NUP188: variants seen among roughly 807,000 people sequenced by gnomAD.
The protein encoded by NUP188 is nucleoporin 188, also known as nucleoporin NUP188.
Under a neutral mutation model 223.0 loss-of-function variants are expected in NUP188, and 97 were observed. That is an observed-to-expected ratio of 0.43 (90% CI 0.37 to 0.51). NUP188 has a LOEUF of 0.51. NUP188 is among the 20% of genes least tolerant of loss of function. NUP188 has a pLI of 0.00. For missense variants in NUP188, 1,947 were observed against 2,175.6 expected (o/e 0.89, Z 2.09); for synonymous variants, 869 against 828.0 (o/e 1.05, Z -0.85).
chr9:128,992,293 T>C (rs1344920828), intron 25 of NUP188, among the ~76,000 whole-genome samples: 1 of 152,100 alleles, frequency 6.6e-6, no homozygotes, highest in East Asian at 1.9e-4. Context: ...CCCAGGTTCA[T>C]GCGATTCTCC....
rs61744524 is a variant in NUP188 at position 128,986,834 on chromosome 9, T to C, written c.2223T>C (p.His741=). 1.9e-3 allele frequency: 3,058 copies of C among 1,614,168 alleles called. 47 individuals are homozygous for C. In the African/African-American group the frequency reaches 0.035, roughly 19 times the overall value. The change falls in exon 22 of 44, where the codon CAT becomes CAC. Residue 741 remains histidine, a synonymous_variant. Transcript: ENST00000372577. The part of the protein sequence containing the change: ...QIGCLILELI[H]AILNLCHETD... ...GTTGCCTGATCTTGGAGCTGATTCATGCGATACTGAACCTGTGCCACGAGA... is the reference window on the plus strand; with the variant it reads ...GTTGCCTGATCTTGGAGCTGATTCACGCGATACTGAACCTGTGCCACGAGA...
chr9:129,001,899 G>T lies in NUP188; in HGVS notation c.4060G>T (p.Ala1354Ser), dbSNP rs1202871938. 1 of 1,614,100 alleles carries T rather than the reference G, an allele frequency of 6.2e-7. No homozygotes were observed. Among genetic ancestry groups the T allele is most frequent in the Non-Finnish European group, 8.5e-7 (1 of 1,179,982 alleles). The change falls in exon 36 of 44, where the codon GCT (alanine) becomes TCT (serine). Residue 1354 changes from alanine to serine, a missense_variant. Physicochemically the swap from Ala to Ser is moderately conservative, Grantham distance 99. Transcript: ENST00000372577. The part of the protein sequence containing the change: ...ARTQQGATAV[A>S]GAGITQSICL... The stretch of plus-strand genomic sequence containing the variant: ...CTCCTCCCAGGGAGCCACAGCAGTG[G>T]CTGGAGCTGGCATCACCCAGAGCAT...
At chr9:129,002,524 C>T (rs1299120872) in intron 36 of NUP188, among the ~76,000 whole-genome samples, 1 of 152,242 alleles carries the variant, frequency 6.6e-6, no homozygotes, top group African/African-American at 2.4e-5. Flanking sequence ...AGCCCAGCTA[C>T]CCCTTAGAGG....
chr9:129,006,266 C>T lies in NUP188; in HGVS notation c.4971C>T (p.Asn1657=). 5 of 1,614,212 alleles carry T rather than the reference C, an allele frequency of 3.1e-6. No individual in the cohort carries two copies. The highest frequency in any genetic ancestry group is 4.2e-6 in the Non-Finnish European group (5 of 1,180,038). Residue 1657 remains asparagine (N), a synonymous_variant, in exon 43 of 44, where the codon AAC becomes AAT. Coordinates refer to ENST00000372577, the MANE Select transcript of NUP188 (RefSeq NM_015354.3). ...CCCTCCTGATGTTTACCATGGAAAA[C>T]TGCTTCTACCTGCTCATCTCTCAGG... The part of the protein sequence containing the change: ...LKSLLMFTME[N]CFYLLISQAM...
rs745660801 is a variant in NUP188 at position 128,979,286 on chromosome 9, G to C, written c.1228G>C (p.Val410Leu). ...GGATATAATTGATACAGCATGTGAA[G>C]TATTGGCCGACCCTTCTCTTCCGGA... ...QQDIIDTACE[V>L]LADPSLPELF... Residue 410 changes from valine (V) to leucine (L), a missense_variant, in exon 13 of 44, where the codon GTA (valine) becomes CTA (leucine). Physicochemically the swap from Val to Leu is conservative, Grantham distance 32. Transcript: ENST00000372577. 6.2e-7 allele frequency: 1 copy of C among 1,612,362 alleles called. No homozygotes were observed. Among genetic ancestry groups the C allele is most frequent in the African/African-American group, 1.3e-5 (1 of 74,890 alleles).
chr9:128,986,016 G>C (rs1842328292), intron 20 of NUP188, among the ~76,000 whole-genome samples: 1 of 152,088 alleles, frequency 6.6e-6, no homozygotes, highest in Non-Finnish European at 1.5e-5. Context: ...TCCAGCCTAG[G>C]TGCCAAGAGT....
chr9:128,998,183 G>A lies in NUP188; in HGVS notation c.3384G>A (p.Val1128=). 6.2e-7 allele frequency: 1 copy of A among 1,614,052 alleles called. No individual in the cohort carries two copies. The highest frequency in any genetic ancestry group is 1.1e-5 in the South Asian group (1 of 91,080). Reference sequence around the variant, plus strand: ...TAATGCACCTGACTGACTCTGTGGTGCGTCGCCAGCTCTTTCTTGACGTGC... The same window carrying A: ...TAATGCACCTGACTGACTCTGTGGTACGTCGCCAGCTCTTTCTTGACGTGC... ...ADIMHLTDSV[V]RRQLFLDVLD... Residue 1128 remains valine (V), a synonymous_variant, in exon 31 of 44, where the codon GTG becomes GTA. Transcript: ENST00000372577.
intron 10 of NUP188, among the ~76,000 whole-genome samples, 173 bp from the exon 11 acceptor site, chr9:128,970,585 G>T (rs140846018): frequency 6.6e-6 from 1 of 152,162 alleles, no homozygotes; most frequent in South Asian, 2.1e-4. Context: ...AAGAGTAATT[G>T]TAATTGAGGG....
chr9:128,987,104 T>A (rs1398540017), intron 22 of NUP188, among the ~76,000 whole-genome samples: 24 of 151,180 alleles, frequency 1.6e-4, no homozygotes, highest in East Asian at 3.9e-4. Context: ...TGTGTGTGTG[T>A]GTGTGTGTGT....
intron 12 of NUP188, among the ~76,000 whole-genome samples, chr9:128,977,406 A>G (rs1842190960): frequency 6.6e-6 from 1 of 152,022 alleles, no homozygotes; most frequent in African/African-American, 2.4e-5. Flanking sequence ...GGCATGAGCC[A>G]CCGTGCCCGA....
chr9:128,955,319 A>G (rs764051509), intron 3 of NUP188, among the ~76,000 whole-genome samples: 3 of 152,162 alleles, frequency 2.0e-5, no homozygotes, highest in Non-Finnish European at 4.4e-5. Flanking sequence ...AGTACTAAAT[A>G]TAGCCATGTC....
chr9:128,954,883 C>G (rs532344276), intron 3 of NUP188, among the ~76,000 whole-genome samples: 2 of 147,038 alleles, frequency 1.4e-5, no homozygotes, highest in African/African-American at 2.5e-5. Context: ...GATGGAGTTT[C>G]GCTCTTGTTG....
At chr9:128,999,561 C>T (rs1842600314) in intron 33 of NUP188, 63 bp from the exon 34 acceptor site, 1 of 1,536,444 alleles carries the variant, frequency 6.5e-7, no homozygotes, top group East Asian at 2.3e-5. Context: ...GGAAGGAAAC[C>T]TTGGTGTACA....
At position 128,990,336 on chromosome 9, in the gene NUP188, T is replaced by C. The variant is rs1842398587; in HGVS notation, c.2640+110T>C. ...GCAGCGGCTTAACGCCTGTATATAA[T>C]TCCAGCACTTTGGGAGGCCAAGGTG... On this transcript the variant is annotated intron_variant, in intron 25 of 43. Coordinates refer to ENST00000372577, the MANE Select transcript of NUP188 (RefSeq NM_015354.3). 4 of 872,498 alleles carry C rather than the reference T, an allele frequency of 4.6e-6. No individual in the cohort carries two copies. The Admixed American group carries it at 5.3e-5, about 12-fold the overall frequency. 54.0% of individuals were successfully genotyped at this position (872,498 alleles called of 1,614,324 possible).
At chr9:128,981,213 T>TC in intron 14 of NUP188, 51 bp from the exon 15 acceptor site, 1 of 1,599,556 alleles carries the variant, frequency 6.3e-7, no homozygotes, top group Non-Finnish European at 8.5e-7. Context: ...GTGGGACCTC[T>TC]CCTTGCTTAT....
chr9:128,994,990 T>G (rs1188917689), intron 29 of NUP188, 67 bp downstream of exon 29: 18 of 1,195,354 alleles, frequency 1.5e-5, no homozygotes, highest in Non-Finnish European at 2.2e-5. Flanking sequence ...GGCCTACCAC[T>G]GGGTGCATGG....
chr9:128,994,891 G>T lies in NUP188; in HGVS notation c.3123G>T (p.Lys1041Asn). 6.2e-7 allele frequency: 1 copy of T among 1,613,888 alleles called. No homozygotes were observed. The highest frequency in any genetic ancestry group is 8.5e-7 in the Non-Finnish European group (1 of 1,179,768). ...TGGAAACCTGTGCCCTAATCATGAA[G>T]ATAATTTGCTTGGAGATATACTATG... ...SILETCALIMKIICLEIYYVV... is the reference protein window; with the variant it reads ...SILETCALIMNIICLEIYYVV... Residue 1041 changes from lysine to asparagine, a missense_variant, in exon 29 of 44, where the codon AAG becomes AAT. Physicochemically the swap from Lys to Asn is moderately conservative, Grantham distance 94. Coordinates refer to ENST00000372577, the MANE Select transcript of NUP188 (RefSeq NM_015354.3).
intron 2 of NUP188, among the ~76,000 whole-genome samples, chr9:128,949,554 A>C (rs1489119815): frequency 6.6e-6 from 1 of 151,366 alleles, no homozygotes; most frequent in African/African-American, 2.4e-5. Context: ...CTGGTCTCCA[A>C]CTCCCGACCT....
intron 28 of NUP188, among the ~76,000 whole-genome samples, 153 bp from the exon 29 acceptor site, chr9:128,994,703 C>A (rs1432932161): frequency 3.3e-5 from 5 of 152,178 alleles, no homozygotes; most frequent in Non-Finnish European, 5.9e-5. Flanking sequence ...GGACCTGACG[C>A]CTCTGCTCTT....
Sources: allele counts gnomAD v4.1 joint callset (sites outside exome capture counted in the v4.1 genomes callset), GRCh38; gene constraint gnomAD v4.1.1; transcripts MANE v1.5; gene names NCBI Gene and HGNC (gene_info 2026-07-23, HGNC 2026-07-21).